Variants in DAAM1 observed in about 807,000 individuals in gnomAD.
DAAM1 encodes disheveled-associated activator of morphogenesis 1.
A neutral mutation model predicts 130.0 loss-of-function variants in DAAM1; 52 were observed. That is an observed-to-expected ratio of 0.40 (90% confidence interval 0.32 to 0.50). The LOEUF (loss-of-function observed/expected upper bound fraction) is 0.50. DAAM1 is among the 20% of genes least tolerant of loss of function. The pLI, the probability that DAAM1 is intolerant of heterozygous loss-of-function variation, is 0.61. For missense variants in DAAM1, 1,134 were observed against 1,303.8 expected (o/e 0.87, Z 2.01); for synonymous variants, 452 against 444.5 (o/e 1.02, Z -0.21).
At chr14:59,199,035 A>G (rs1047268023) in intron 1 of DAAM1, among the ~76,000 whole-genome samples, 3 of 152,140 alleles carry the variant, frequency 2.0e-5, no homozygotes, top group Non-Finnish European at 4.4e-5. Context: ...GTTTCCCTAA[A>G]ATGGAGATCG....
intron 2 of DAAM1, among the ~76,000 whole-genome samples, chr14:59,280,660 G>T (rs770230432): frequency 6.7e-6 from 1 of 149,056 alleles, no homozygotes; most frequent in Non-Finnish European, 1.5e-5. Context: ...AGAGTCAGAC[G>T]TACCAATAAC....
chr14:59,248,483 C>T (rs909040918), intron 1 of DAAM1, among the ~76,000 whole-genome samples: 1 of 152,134 alleles, frequency 6.6e-6, no homozygotes, highest in African/African-American at 2.4e-5. Flanking sequence ...TGAATAACTT[C>T]CCAAGGATAT....
At chr14:59,331,565 T>A in intron 14 of DAAM1, 57 bp downstream of exon 14, 1 of 1,521,966 alleles carries the variant, frequency 6.6e-7, no homozygotes, top group East Asian at 2.3e-5. Flanking sequence ...CTCATTGTGT[T>A]ATCACTGAAA....
At chr14:59,328,792 A>G (rs941974469) in intron 12 of DAAM1, among the ~76,000 whole-genome samples, 4 of 152,242 alleles carry the variant, frequency 2.6e-5, no homozygotes, top group African/African-American at 9.6e-5. Context: ...GAAAATCACC[A>G]ATGTCAGTGG....
In DAAM1 at chr14:59,338,495, T is replaced by A. The variant is rs1885713243; in HGVS notation, c.1969-1579T>A. 2.7e-6 allele frequency: 4 copies of A among 1,462,844 alleles called. No homozygotes were observed. The South Asian group carries it at 3.5e-5, about 13-fold the overall frequency. 90.6% of individuals were successfully genotyped at this position (1,462,844 alleles called of 1,614,324 possible). On this transcript the variant is annotated intron_variant, in intron 15 of 24. Coordinates refer to ENST00000360909, the MANE Select transcript of DAAM1 (RefSeq NM_001270520.2). ...CTTGAAATCTCTTCGTTATCCAGGG[T>A]TTTGTTTTTGTTTTTGTTTTTTTAC...
At chr14:59,205,627 T>C (rs891242380) in intron 1 of DAAM1, among the ~76,000 whole-genome samples, 1 of 152,228 alleles carries the variant, frequency 6.6e-6, no homozygotes, top group African/African-American at 2.4e-5. Context: ...CATATCTGTA[T>C]GTTCTCCAAA....
chr14:59,354,303 G>T (rs890677455), intron 19 of DAAM1, among the ~76,000 whole-genome samples: 4 of 152,106 alleles, frequency 2.6e-5, no homozygotes, highest in Non-Finnish European at 5.9e-5. Flanking sequence ...CTCGTGATCT[G>T]CCCACCTTGG....
intron 2 of DAAM1, chr14:59,264,476 A>G (rs1882339276): frequency 6.6e-6 from 1 of 152,154 alleles, no homozygotes; most frequent in Non-Finnish European, 1.5e-5. Context: ...TGTTTTCTGA[A>G]GGAAAAAAAC....
At position 59,352,553 on chromosome 14, in the gene DAAM1, G is replaced by T; in HGVS notation, c.2188G>T (p.Asp730Tyr). 2 of 1,613,382 alleles carry T rather than the reference G, an allele frequency of 1.2e-6. No individual in the cohort carries two copies. Among genetic ancestry groups the T allele is most frequent in the South Asian group, 1.1e-5 (1 of 90,836 alleles). Residue 730 changes from aspartate to tyrosine, a missense_variant, in exon 18 of 25, where the codon GAC becomes TAC. By Grantham distance (160) the Asp-to-Tyr change is radical. This residue lies in a region of DAAM1 where 644 missense variants were observed against 695.9 expected (regional missense o/e 0.93). Coordinates refer to ENST00000360909, the MANE Select transcript of DAAM1 (RefSeq NM_001270520.2). ...QLLKFVPEKS[D>Y]IDLLEEHKHE... ...CTTGAAATTTGTTCCTGAAAAAAGT[G>T]ACATTGACCTATTGGAGGAACATAA...
chr14:59,213,834 T>C (rs1888499806), intron 1 of DAAM1, among the ~76,000 whole-genome samples: 1 of 152,160 alleles, frequency 6.6e-6, no homozygotes, highest in South Asian at 2.1e-4. Context: ...GCTGGACCCC[T>C]TCCCTGTTGT....
rs116113684 is a variant in DAAM1, at chr14:59,300,519, G to A, written c.273+9213G>A. Among the ~76,000 whole-genome samples, 403 of 152,288 alleles carry A rather than the reference G, an allele frequency of 2.6e-3. 1 individual carries two copies. The highest frequency in any genetic ancestry group is 9.2e-3 in the African/African-American group (381 of 41,560). ...TAACCTCTGATAACTTTCCTCTCAA[G>A]TCATGAGGTAAACTGTTGCTTTCTG... is the stretch of plus-strand genomic sequence containing the variant. On this transcript the variant is annotated intron_variant, in intron 3 of 24. Transcript: ENST00000360909.
At chr14:59,199,403 C>T (rs1252915) in intron 1 of DAAM1, among the ~76,000 whole-genome samples, 123,984 of 152,198 alleles carry the variant, frequency 0.81, 50,934 homozygotes, top group African/African-American at 0.92. Flanking sequence ...GGGCTGATCA[C>T]CACTTTAAAC....
intron 16 of DAAM1, among the ~76,000 whole-genome samples, chr14:59,346,146 G>C (rs901576708): frequency 1.3e-5 from 2 of 148,622 alleles, no homozygotes; most frequent in Non-Finnish European, 1.5e-5. Context: ...TTTGGGGGGG[G>C]GGGGGTGCCT....
intron 1 of DAAM1, among the ~76,000 whole-genome samples, chr14:59,190,496 G>A (rs1028370394): frequency 2.6e-5 from 4 of 152,172 alleles, no homozygotes; most frequent in Non-Finnish European, 5.9e-5. Context: ...AGGTGCAGCT[G>A]ATTGGAAGTG....
intron 22 of DAAM1, among the ~76,000 whole-genome samples, chr14:59,361,438 C>T (rs1440565895): frequency 1.3e-5 from 2 of 152,134 alleles, no homozygotes; most frequent in Non-Finnish European, 2.9e-5. Context: ...AAGGAAGCAG[C>T]GGGTTGAGGG....
intron 3 of DAAM1, among the ~76,000 whole-genome samples, chr14:59,305,523 G>A (rs905530480): frequency 1.3e-5 from 2 of 152,174 alleles, no homozygotes; most frequent in Non-Finnish European, 2.9e-5. Context: ...TTGGGAAGTG[G>A]ACTGTAAAAT....
At chr14:59,325,143 C>A (rs1488907419) in intron 8 of DAAM1, among the ~76,000 whole-genome samples, 2 of 152,226 alleles carry the variant, frequency 1.3e-5, no homozygotes, top group African/African-American at 4.8e-5. Flanking sequence ...GAGACCTGTT[C>A]TAACCACTGT....
chr14:59,350,654 C>T (rs1243791632), intron 17 of DAAM1, among the ~76,000 whole-genome samples: 1 of 152,014 alleles, frequency 6.6e-6, no homozygotes, highest in Non-Finnish European at 1.5e-5. Flanking sequence ...TCCCTGTTGC[C>T]GGAGCCAGGG....
intron 5 of DAAM1, 49 bp downstream of exon 5, chr14:59,320,633 C>CA: frequency 1.4e-6 from 2 of 1,393,550 alleles, no homozygotes; most frequent in Non-Finnish European, 1.9e-6. Flanking sequence ...TCCTTCCTTC[C>CA]TTTTTTTGCA....
Sources: gnomAD v4.1 joint callset for allele counts (sites outside exome capture counted in the v4.1 genomes callset) on GRCh38, gnomAD v4.1.1 for gene constraint, gnomAD v4.1.1 regional missense constraint, MANE v1.5 for transcripts, NCBI Gene and HGNC (gene_info 2026-07-23, HGNC 2026-07-21) for gene names.